Variants in FHIT observed in about 807,000 individuals in gnomAD.
FHIT encodes fragile histidine triad diadenosine triphosphatase.
In FHIT, 19 loss-of-function variants were observed where a neutral mutation model predicts 17.9. That is an observed-to-expected ratio of 1.06 (90% confidence interval 0.74 to 1.56). The LOEUF (loss-of-function observed/expected upper bound fraction) is 1.56. FHIT is among the 40% of genes most tolerant of loss of function. The pLI, the probability that FHIT is intolerant of heterozygous loss-of-function variation, is 0.00. For synonymous variants in FHIT, 81 were observed against 69.7 expected (o/e 1.16, Z -0.81); for missense variants, 248 against 189.2 (o/e 1.31, Z -1.82).
At chr3:59,784,790 G>T (rs1702762070) in intron 8 of FHIT, among the ~76,000 whole-genome samples, 1 of 152,146 alleles carries the variant, frequency 6.6e-6, no homozygotes, top group Admixed American at 6.6e-5. Flanking sequence ...ATAGAATCTA[G>T]TTGGCATTTA....
chr3:60,202,437 T>C (rs1251545461), intron 5 of FHIT, among the ~76,000 whole-genome samples: 1 of 152,174 alleles, frequency 6.6e-6, no homozygotes, highest in Non-Finnish European at 1.5e-5. Flanking sequence ...AGAAAGGGGG[T>C]ACTGCTGCCC....
At chr3:59,901,049 C>G (rs1259245330) in intron 8 of FHIT, among the ~76,000 whole-genome samples, 1 of 152,152 alleles carries the variant, frequency 6.6e-6, no homozygotes, top group South Asian at 2.1e-4. Context: ...GTTAACGTAA[C>G]CTCCCATTGT....
At chr3:61,071,247 T>C (rs2034796377) in intron 2 of FHIT, among the ~76,000 whole-genome samples, 2 of 152,194 alleles carry the variant, frequency 1.3e-5, no homozygotes, top group Admixed American at 6.6e-5. Flanking sequence ...AAAAAATTCC[T>C]AGCTAAGAGC....
At chr3:60,738,265 G>T (rs968186360) in intron 4 of FHIT, among the ~76,000 whole-genome samples, 7 of 152,140 alleles carry the variant, frequency 4.6e-5, no homozygotes, top group African/African-American at 1.7e-4. Context: ...TCCATAATAT[G>T]GCTTATAGGG....
chr3:60,179,264 C>T (rs1701818359), intron 5 of FHIT, among the ~76,000 whole-genome samples: 1 of 152,192 alleles, frequency 6.6e-6, no homozygotes, highest in South Asian at 2.1e-4. Flanking sequence ...TGCCACACAG[C>T]CCACTCACGG....
intron 4 of FHIT, among the ~76,000 whole-genome samples, chr3:60,711,093 C>G (rs2041517225): frequency 6.6e-6 from 1 of 152,170 alleles, no homozygotes; most frequent in Non-Finnish European, 1.5e-5. Flanking sequence ...GAGGAACTAT[C>G]AGACAGCAGC....
intron 5 of FHIT, among the ~76,000 whole-genome samples, chr3:60,181,145 A>ATTT (rs199935934): frequency 0.017 from 2,160 of 125,574 alleles, 44 homozygotes; most frequent in African/African-American, 0.034. Context: ...AATTTTTTTA[A>ATTT]TTTTTTTTTT....
chr3:59,904,952 C>G (rs75058389), intron 8 of FHIT, among the ~76,000 whole-genome samples: 1 of 152,148 alleles, frequency 6.6e-6, no homozygotes, highest in Non-Finnish European at 1.5e-5. Flanking sequence ...ATTAGGAAAG[C>G]GCAGGTATAT....
chr3:59,781,868 G>C (rs1259576114), intron 8 of FHIT, among the ~76,000 whole-genome samples: 2 of 152,184 alleles, frequency 1.3e-5, no homozygotes, highest in Admixed American at 6.5e-5. Context: ...TGCTTCTAAA[G>C]TTATGATAGC....
intron 5 of FHIT, among the ~76,000 whole-genome samples, chr3:60,188,790 G>GA (rs199689603): frequency 0.011 from 1,738 of 152,020 alleles, 16 homozygotes; most frequent in Middle Eastern, 0.024. Context: ...CTCAAAGAAA[G>GA]AAAAAATAGT....
Position 60,014,169 on chromosome 3 carries a change from T to TA in FHIT, c.104-18dup, listed in dbSNP as rs763025830. The TA allele has an allele frequency of 1.2e-6, 2 of 1,613,512 alleles. No homozygotes were observed. The highest frequency in any genetic ancestry group is 1.7e-6 in the Non-Finnish European group (2 of 1,179,766). Reference sequence around the variant, plus strand: ...CAAGGACATCTGTAGCAAGGTCTGTTAAGGCCCATGCTGCTGGCTTTGGGT... The same window carrying TA: ...CAAGGACATCTGTAGCAAGGTCTGTTAAAGGCCCATGCTGCTGGCTTTGGGT... On this transcript the variant is annotated splice_polypyrimidine_tract_variant and intron_variant, in intron 5 of 9. Transcript: ENST00000492590.
chr3:61,247,781 A>T (rs2040522540), intron 1 of FHIT, among the ~76,000 whole-genome samples: 1 of 152,202 alleles, frequency 6.6e-6, no homozygotes, highest in Non-Finnish European at 1.5e-5. Flanking sequence ...CAAAAATAAG[A>T]GCTATTATAT....
chr3:60,147,372 G>A (rs1211514840), intron 5 of FHIT, among the ~76,000 whole-genome samples: 1 of 152,142 alleles, frequency 6.6e-6, no homozygotes, highest in African/African-American at 2.4e-5. Flanking sequence ...CAAGAGGAGA[G>A]ACTGCAGCAG....
intron 5 of FHIT, among the ~76,000 whole-genome samples, chr3:60,294,593 T>A (rs766439307): frequency 5.3e-5 from 8 of 152,152 alleles, no homozygotes; most frequent in Non-Finnish European, 1.0e-4. Context: ...TCAGTTAAAT[T>A]ACTTACCTGT....
At chr3:61,246,946 T>C (rs2106948771) in intron 1 of FHIT, among the ~76,000 whole-genome samples, 1 of 152,212 alleles carries the variant, frequency 6.6e-6, no homozygotes. Flanking sequence ...CCTCCAGCCA[T>C]TGATTTTCAT....
chr3:60,186,111 A>G (rs1161188620), intron 5 of FHIT, among the ~76,000 whole-genome samples: 1 of 151,856 alleles, frequency 6.6e-6, no homozygotes, highest in Non-Finnish European at 1.5e-5. Context: ...TTTTCTTCAT[A>G]GTGTCTTTTG....
chr3:59,869,528 C>T (rs1200461538), intron 8 of FHIT, among the ~76,000 whole-genome samples: 1 of 131,168 alleles, frequency 7.6e-6, no homozygotes, highest in East Asian at 2.2e-4. Context: ...GTCGCCCAGG[C>T]TGGAGTGCAG....
intron 5 of FHIT, among the ~76,000 whole-genome samples, chr3:60,192,771 T>C (rs930538779): frequency 1.3e-5 from 2 of 152,188 alleles, no homozygotes; most frequent in African/African-American, 4.8e-5. Context: ...CCACCATCCG[T>C]GAAAGCAGAA....
intron 8 of FHIT, among the ~76,000 whole-genome samples, chr3:59,878,852 T>A (rs1188974824): frequency 6.6e-6 from 1 of 152,152 alleles, no homozygotes; most frequent in Non-Finnish European, 1.5e-5. Flanking sequence ...CCCATCCCCA[T>A]GGCAGCTAAT....
Sources: allele counts gnomAD v4.1 joint callset (sites outside exome capture counted in the v4.1 genomes callset), GRCh38; gene constraint gnomAD v4.1.1; transcripts MANE v1.5; gene names NCBI Gene and HGNC (gene_info 2026-07-23, HGNC 2026-07-21).